MX2: variants seen among roughly 807,000 people sequenced by gnomAD.
The protein encoded by MX2 is MX dynamin like GTPase 2, also known as interferon-induced GTP-binding protein Mx2.
In MX2, 51 loss-of-function variants were observed where a neutral mutation model predicts 74.0. The observed-to-expected ratio is 0.69, with a 90% CI of 0.55 to 0.87. MX2 has a LOEUF of 0.87. Among genes scored for constraint, MX2 ranks in the 40% least tolerant of loss-of-function variants. The pLI is 0.00. For missense variants in MX2, 832 were observed against 908.7 expected, an observed-to-expected ratio of 0.92 and a Z score of 1.09; for synonymous variants, 369 against 339.3, an observed-to-expected ratio of 1.09 and a Z score of -0.96.
At chr21:41,376,032 T>A (rs2089397238) in intron 1 of MX2, among the ~76,000 whole-genome samples, 1 of 152,196 alleles carries the variant, frequency 6.6e-6, no homozygotes, top group Admixed American at 6.5e-5. Flanking sequence ...GCTGCCCTCA[T>A]CTGAGTGCAG....
chr21:41,401,744 C>G (rs1220304619), intron 10 of MX2: 1 of 427,956 alleles, frequency 2.3e-6, no homozygotes, highest in East Asian at 3.9e-5. Flanking sequence ...TGATGACTTT[C>G]AATTGAAACA....
chr21:41,383,831 T>C (rs1042586731), intron 5 of MX2, among the ~76,000 whole-genome samples: 1 of 152,146 alleles, frequency 6.6e-6, no homozygotes, highest in Non-Finnish European at 1.5e-5. Flanking sequence ...ATGAATTCCA[T>C]ATTTCTTAGC....
chr21:41,398,223 C>T (rs1345788235), intron 8 of MX2, among the ~76,000 whole-genome samples: 3 of 152,298 alleles, frequency 2.0e-5, no homozygotes, highest in African/African-American at 7.2e-5. Context: ...GCAGGAGAAT[C>T]GCTTGAACCC....
rs1290653213 is a variant in MX2 at position 41,408,691 on chromosome 21, C to A, written c.*458C>A. 6.4e-6 allele frequency: 1 copy of A among 156,656 alleles called. No homozygotes were observed. The highest frequency in any genetic ancestry group is 1.4e-5 in the Non-Finnish European group (1 of 71,154). 9.7% of individuals were successfully genotyped at this position (156,656 alleles called of 1,614,324 possible). A position where few individuals can be genotyped will look rare whatever the true frequency, so the allele number is the denominator to read the frequency against. ...GAGTGCTGTGTAAGTGATGGAGATA[C>A]CTGAGGCTATTGCTCAAGCCCAGGC... On this transcript the variant is annotated 3_prime_UTR_variant, in exon 14 of 14. Transcript: ENST00000330714.
intron 5 of MX2, among the ~76,000 whole-genome samples, chr21:41,386,444 T>A (rs2089578886): frequency 6.6e-6 from 1 of 152,106 alleles, no homozygotes; most frequent in Admixed American, 6.5e-5. Context: ...TCATTGTGGC[T>A]GTGAGAGGCT....
chr21:41,380,268 G>A lies in MX2; in HGVS notation c.577+117G>A. 7.1e-7 allele frequency: 1 copy of A among 1,402,066 alleles called. No individual in the cohort carries two copies. The highest frequency in any genetic ancestry group is 9.7e-7 in the Non-Finnish European group (1 of 1,028,664). The allele number at this position is 1,402,066 out of a possible 1,614,324, so 86.9% of individuals were successfully genotyped here. On this transcript the variant is annotated intron_variant, in intron 4 of 13. Transcript: ENST00000330714. This position sits in a 1 kb window ranked among gnomAD's most constrained non-coding sequence, Gnocchi z 4.3. ...GACCACTCAGCTCCTAGCCCCATGT[G>A]CTCCCACATGGGGCTGAACCCATTG...
intron 1 of MX2, among the ~76,000 whole-genome samples, chr21:41,372,298 A>G (rs1457605906): frequency 9.9e-5 from 15 of 152,246 alleles, no homozygotes; most frequent in African/African-American, 3.6e-4. Flanking sequence ...GATGCAAACA[A>G]TTATGGAGTA....
intron 6 of MX2, among the ~76,000 whole-genome samples, chr21:41,393,998 G>T (rs757306637): frequency 6.6e-6 from 1 of 152,114 alleles, no homozygotes; most frequent in Non-Finnish European, 1.5e-5. Context: ...CAAAACGGGT[G>T]CCAAATCCAT....
chr21:41,407,928 C>T, intron 13 of MX2, 63 bp from the exon 14 acceptor site: 1 of 1,595,916 alleles, frequency 6.3e-7, no homozygotes, highest in Middle Eastern at 1.7e-4. Flanking sequence ...CATGCCTTCT[C>T]TCTGCAACCA....
At chr21:41,398,875 TG>T (rs778305815) in intron 8 of MX2, 21 bp from the exon 9 acceptor site, 225 of 1,606,902 alleles carry the variant, frequency 1.4e-4, no homozygotes, top group Non-Finnish European at 1.9e-4. Context: ...GCAGTTTGAT[TG>T]TTTGCAATTG....
chr21:41,398,630 C>T (rs2089766673), intron 8 of MX2, among the ~76,000 whole-genome samples: 2 of 152,156 alleles, frequency 1.3e-5, no homozygotes, highest in African/African-American at 2.4e-5. Flanking sequence ...CCAGGAAGCA[C>T]ATACTCAAAG....
chr21:41,377,319 A>G (rs533484371), intron 2 of MX2, among the ~76,000 whole-genome samples, 164 bp downstream of exon 2: 92 of 152,270 alleles, frequency 6.0e-4, no homozygotes, highest in African/African-American at 2.2e-3. Flanking sequence ...AGGAACATAC[A>G]TAGACTCTCC....
intron 5 of MX2, 41 bp downstream of exon 5, chr21:41,382,605 G>A (rs781070741): frequency 2.5e-6 from 4 of 1,612,546 alleles, no homozygotes; most frequent in Admixed American, 1.7e-5. Flanking sequence ...CTGCTGAAGT[G>A]GGGGAAGGGT....
At chr21:41,371,601 T>G (rs533318068) in intron 1 of MX2, among the ~76,000 whole-genome samples, 3 of 152,336 alleles carry the variant, frequency 2.0e-5, no homozygotes, top group Admixed American at 1.3e-4. Context: ...CAGGCCTTGC[T>G]GGAGTTACTC....
At chr21:41,400,618 TA>T (rs56004943) in intron 10 of MX2, among the ~76,000 whole-genome samples, 121,739 of 152,028 alleles carry the variant, frequency 0.8, 50,592 homozygotes, top group East Asian at 0.97. Context: ...TCAGAAAACT[TA>T]ACAATCATAG....
At chr21:41,390,731 T>C (rs754578853) in intron 6 of MX2, 28 bp downstream of exon 6, 19 of 1,610,804 alleles carry the variant, frequency 1.2e-5, no homozygotes, top group East Asian at 8.9e-5. Flanking sequence ...AGTGGCCGGG[T>C]GCGGTGGCTC....
rs376274345 is a variant in MX2, at chr21:41,377,779, C to A, written c.250-10C>A. ...GGTCAAGGCAGTGGCATCTGTTCTG[C>A]CTTCTCCAGGGGCCCGAGAACAACC... On this transcript the variant is annotated splice_polypyrimidine_tract_variant and intron_variant, in intron 2 of 13. Coordinates refer to ENST00000330714, the MANE Select transcript of MX2 (RefSeq NM_002463.2). 7.5e-6 allele frequency: 12 copies of A among 1,604,146 alleles called. No homozygotes were observed. The African/African-American group carries it at 1.6e-4, about 21-fold the overall frequency.
At chr21:41,387,416 C>G (rs1421171338) in intron 5 of MX2, among the ~76,000 whole-genome samples, 2 of 152,192 alleles carry the variant, frequency 1.3e-5, no homozygotes, top group Admixed American at 1.3e-4. Context: ...CTCCACTTTC[C>G]CGGCAACAAG....
At chr21:41,396,367 G>C (rs1333363758) in intron 7 of MX2, among the ~76,000 whole-genome samples, 1 of 152,192 alleles carries the variant, frequency 6.6e-6, no homozygotes, top group African/African-American at 2.4e-5. Flanking sequence ...GTAGTTTGTA[G>C]GACGCTGGGA....
Sources: allele counts gnomAD v4.1 joint callset (sites outside exome capture counted in the v4.1 genomes callset), GRCh38; gene constraint gnomAD v4.1.1; non-coding constraint Gnocchi (gnomAD v3.1); transcripts MANE v1.5; gene names NCBI Gene and HGNC (gene_info 2026-07-23, HGNC 2026-07-21).